Variants in SPMIP2 observed in about 807,000 individuals in gnomAD.
The protein encoded by SPMIP2 is sperm microtubule inner protein 2, also known as protein SPMIP2.
chr4:159,021,865 G>T, the SPMIP2 span, among the ~76,000 whole-genome samples: 2 of 152,246 alleles, frequency 1.3e-5, no homozygotes, highest in East Asian at 1.9e-4. Flanking sequence ...CTGGTGAGGG[G>T]TGGTGATCAG....
At chr4:158,898,590 C>T in the SPMIP2 span, among the ~76,000 whole-genome samples, 4 of 152,276 alleles carry the variant, frequency 2.6e-5, no homozygotes, top group East Asian at 7.7e-4. Flanking sequence ...ATTTTATTCT[C>T]TTTGTAGCAA....
the SPMIP2 span, among the ~76,000 whole-genome samples, chr4:159,013,710 T>C: frequency 6.6e-6 from 1 of 151,376 alleles, no homozygotes; most frequent in Non-Finnish European, 1.5e-5. Flanking sequence ...AACATATGAA[T>C]TGGGGGGTGG....
At chr4:159,079,415 G>T in the SPMIP2 span, among the ~76,000 whole-genome samples, 1 of 152,178 alleles carries the variant, frequency 6.6e-6, no homozygotes, top group Non-Finnish European at 1.5e-5. Flanking sequence ...CACCGAATCT[G>T]CTGGTGCACA....
chr4:159,008,915 G>A, the SPMIP2 span, among the ~76,000 whole-genome samples: 1 of 152,164 alleles, frequency 6.6e-6, no homozygotes, highest in Non-Finnish European at 1.5e-5. Flanking sequence ...AACCATGAAT[G>A]AAGTGAATTT....
At chr4:158,918,716 C>G in the SPMIP2 span, among the ~76,000 whole-genome samples, 2 of 152,172 alleles carry the variant, frequency 1.3e-5, no homozygotes, top group African/African-American at 2.4e-5. Context: ...TACAAATATA[C>G]TGGCCACATC....
At chr4:158,999,127 G>C in the SPMIP2 span, among the ~76,000 whole-genome samples, 9 of 151,434 alleles carry the variant, frequency 5.9e-5, no homozygotes, top group Admixed American at 5.9e-4. Context: ...AGCCAAGATC[G>C]TGCCACTGCA....
At chr4:159,059,716 TG>T in the SPMIP2 span, among the ~76,000 whole-genome samples, 1 of 152,126 alleles carries the variant, frequency 6.6e-6, no homozygotes, top group Non-Finnish European at 1.5e-5. Context: ...AAGTGATCCC[TG>T]GGGTATTGGA....
the SPMIP2 span, among the ~76,000 whole-genome samples, chr4:158,910,034 C>T: frequency 1.3e-5 from 2 of 151,254 alleles, no homozygotes; most frequent in Admixed American, 1.3e-4. Context: ...AGTGAGACTC[C>T]ATCTCAAAAA....
chr4:158,978,714 T>C, the SPMIP2 span, among the ~76,000 whole-genome samples: 1 of 152,234 alleles, frequency 6.6e-6, no homozygotes, highest in Non-Finnish European at 1.5e-5. Context: ...TTAAAGTCTG[T>C]TTTATCAGAG....
the SPMIP2 span, among the ~76,000 whole-genome samples, chr4:159,074,439 A>G: frequency 6.6e-6 from 1 of 152,098 alleles, no homozygotes; most frequent in Non-Finnish European, 1.5e-5. Context: ...GCTCTACTTG[A>G]GAAGATGAGG....
the SPMIP2 span, among the ~76,000 whole-genome samples, chr4:158,989,506 C>G: frequency 6.6e-6 from 1 of 152,160 alleles, no homozygotes; most frequent in African/African-American, 2.4e-5. Context: ...GTAACCAAAA[C>G]AGCATGGTAC....
chr4:159,080,253 A>G, the SPMIP2 span, among the ~76,000 whole-genome samples: 1 of 152,054 alleles, frequency 6.6e-6, no homozygotes, highest in African/African-American at 2.4e-5. Context: ...GTCTCACTCC[A>G]TTGCTCATGC....
chr4:158,974,071 G>A, the SPMIP2 span, among the ~76,000 whole-genome samples: 1 of 151,274 alleles, frequency 6.6e-6, no homozygotes, highest in Admixed American at 6.6e-5. Context: ...CAGATATTGA[G>A]GTGTTTTATC....
chr4:159,063,032 A>G, the SPMIP2 span, among the ~76,000 whole-genome samples: 1 of 152,008 alleles, frequency 6.6e-6, no homozygotes, highest in Non-Finnish European at 1.5e-5. Context: ...ATAAGTTAAT[A>G]AGACAGACTG....
At chr4:158,973,202 C>A in the SPMIP2 span, 6 of 1,613,568 alleles carry the variant, frequency 3.7e-6, no homozygotes, top group Non-Finnish European at 5.1e-6. Flanking sequence ...TTGAGGCAGG[C>A]CTCCATAAAT....
At chr4:158,952,974 G>A in the SPMIP2 span, among the ~76,000 whole-genome samples, 2 of 152,258 alleles carry the variant, frequency 1.3e-5, no homozygotes, top group East Asian at 1.9e-4. Context: ...TGCTGCTAAA[G>A]GTATTCAGTT....
the SPMIP2 span, among the ~76,000 whole-genome samples, chr4:158,904,190 C>T: frequency 6.6e-6 from 1 of 152,098 alleles, no homozygotes; most frequent in African/African-American, 2.4e-5. Context: ...AGTCTGGTGA[C>T]CCCTGCCAAG....
chr4:159,078,444 G>A, the SPMIP2 span, among the ~76,000 whole-genome samples: 2 of 152,306 alleles, frequency 1.3e-5, no homozygotes, highest in South Asian at 4.1e-4. Context: ...TCTGTCCTAA[G>A]GGCAAATAGT....
chr4:158,967,261 T>G, the SPMIP2 span, among the ~76,000 whole-genome samples: 1 of 152,284 alleles, frequency 6.6e-6, no homozygotes, highest in African/African-American at 2.4e-5. Flanking sequence ...GTTAATATAT[T>G]ATTTTCAAGA....
Sources: gnomAD v4.1 joint callset for allele counts (sites outside exome capture counted in the v4.1 genomes callset) on GRCh38, gnomAD v4.1.1 for gene constraint, MANE v1.5 for transcripts, NCBI Gene and HGNC (gene_info 2026-07-23, HGNC 2026-07-21) for gene names.